Variants in CSMD3 observed in about 807,000 individuals in gnomAD.
The protein encoded by CSMD3 is CUB and sushi domain-containing protein 3.
In CSMD3, 177 loss-of-function variants were observed where a neutral mutation model predicts 435.2. The ratio of observed to expected loss-of-function variants is 0.41; its 90% CI spans 0.36 to 0.46. The LOEUF is 0.46. Among genes scored for constraint, CSMD3 ranks in the 20% least tolerant of loss-of-function variants. The pLI is 0.34. For synonymous variants in CSMD3, 1,656 were observed against 1,520.5 expected (o/e 1.09, Z -2.07); for missense variants, 4,265 against 4,504.6 (o/e 0.95, Z 1.52).
At chr8:113,010,470 C>G (rs2086218037) in intron 6 of CSMD3, among the ~76,000 whole-genome samples, 1 of 151,708 alleles carries the variant, frequency 6.6e-6, no homozygotes, top group Admixed American at 6.6e-5. Context: ...ATCATTTTAT[C>G]AGTTTAATAA....
chr8:112,688,292 C>T (rs1021363438), intron 14 of CSMD3, among the ~76,000 whole-genome samples: 5 of 152,034 alleles, frequency 3.3e-5, no homozygotes, highest in African/African-American at 1.2e-4. Flanking sequence ...ACTTTAAATT[C>T]TTAATTATAT....
chr8:112,427,310 A>T (rs977861788), intron 32 of CSMD3, among the ~76,000 whole-genome samples: 22 of 152,060 alleles, frequency 1.4e-4, no homozygotes, highest in Admixed American at 3.3e-4. Flanking sequence ...CATAATACCC[A>T]TGTGTCATGG....
intron 19 of CSMD3, 108 bp downstream of exon 19, chr8:112,650,053 T>C: frequency 2.3e-6 from 2 of 860,868 alleles, no homozygotes; most frequent in Non-Finnish European, 3.7e-6. Context: ...TCAAAAGAAC[T>C]TTTAAAAAAC....
intron 1 of CSMD3, among the ~76,000 whole-genome samples, chr8:113,359,948 A>G (rs1030151726): frequency 1.3e-5 from 2 of 152,252 alleles, no homozygotes; most frequent in South Asian, 4.1e-4. Flanking sequence ...ATATATACCC[A>G]CTGCTCTGTG....
At chr8:112,886,484 C>G (rs2081602648) in intron 10 of CSMD3, among the ~76,000 whole-genome samples, 1 of 151,148 alleles carries the variant, frequency 6.6e-6, no homozygotes, top group South Asian at 2.1e-4. Flanking sequence ...AATTCCTATC[C>G]TGAGAAATGT....
At chr8:112,401,616 T>C (rs1451571044) in intron 35 of CSMD3, among the ~76,000 whole-genome samples, 1 of 152,162 alleles carries the variant, frequency 6.6e-6, no homozygotes, top group Admixed American at 6.5e-5. Context: ...CAAACCAAAA[T>C]GTCTATTTCT....
intron 4 of CSMD3, among the ~76,000 whole-genome samples, chr8:113,170,962 A>G (rs2092257195): frequency 6.6e-6 from 1 of 151,910 alleles, no homozygotes; most frequent in Non-Finnish European, 1.5e-5. Context: ...AGGGAAGTAA[A>G]TACTCTGGTA....
chr8:112,853,118 T>C (rs920993503), intron 11 of CSMD3, among the ~76,000 whole-genome samples: 1 of 152,202 alleles, frequency 6.6e-6, no homozygotes. Context: ...TTCAATCACA[T>C]AAAAATGTAA....
chr8:112,424,135 A>T (rs1812807830), intron 32 of CSMD3, among the ~76,000 whole-genome samples: 1 of 152,196 alleles, frequency 6.6e-6, no homozygotes, highest in Non-Finnish European at 1.5e-5. Flanking sequence ...ATGCAAAAGG[A>T]GCTAAAATAG....
chr8:112,550,423 C>T (rs1366339651), intron 27 of CSMD3, among the ~76,000 whole-genome samples: 2 of 151,632 alleles, frequency 1.3e-5, no homozygotes, highest in East Asian at 3.9e-4. Context: ...TAATTTAACA[C>T]CACTTTTACT....
intron 10 of CSMD3, among the ~76,000 whole-genome samples, chr8:112,917,992 G>A (rs969570913): frequency 2.0e-5 from 3 of 151,654 alleles, no homozygotes; most frequent in Non-Finnish European, 4.4e-5. Flanking sequence ...CCAACTCAAC[G>A]GCCATTTCCA....
chr8:113,143,117 T>C (rs1464064065), intron 4 of CSMD3, among the ~76,000 whole-genome samples: 1 of 150,774 alleles, frequency 6.6e-6, no homozygotes, highest in Non-Finnish European at 1.5e-5. Context: ...AACTCAATGA[T>C]AAAACAAACC....
intron 40 of CSMD3, among the ~76,000 whole-genome samples, chr8:112,347,311 A>G (rs573498492): frequency 1.3e-5 from 2 of 152,130 alleles, no homozygotes; most frequent in Non-Finnish European, 2.9e-5. Context: ...CATTTTTATC[A>G]TTTTATTGTT....
At chr8:113,072,701 T>C (rs2089177843) in intron 5 of CSMD3, among the ~76,000 whole-genome samples, 1 of 151,826 alleles carries the variant, frequency 6.6e-6, no homozygotes, top group South Asian at 2.1e-4. Context: ...ATACTCTTCA[T>C]TTCATTTAAA....
chr8:112,859,545 T>C (rs2080764373), intron 10 of CSMD3, among the ~76,000 whole-genome samples: 1 of 151,804 alleles, frequency 6.6e-6, no homozygotes. Flanking sequence ...GTGTGTTTAA[T>C]TAGAGAAAGG....
chr8:112,234,256 G>T, intron 68 of CSMD3, 109 bp downstream of exon 68: 2 of 683,094 alleles, frequency 2.9e-6, no homozygotes, highest in Non-Finnish European at 5.2e-6. Flanking sequence ...TAATATATAT[G>T]TATGTGTATG....
chr8:112,747,020 T>C (rs2077442234), intron 13 of CSMD3, among the ~76,000 whole-genome samples: 1 of 152,062 alleles, frequency 6.6e-6, no homozygotes. Flanking sequence ...CAGGCATTCA[T>C]TTACATGCTC....
At chr8:113,102,001 G>C (rs2090344704) in intron 4 of CSMD3, among the ~76,000 whole-genome samples, 1 of 152,038 alleles carries the variant, frequency 6.6e-6, no homozygotes, top group South Asian at 2.1e-4. Context: ...AGAACTTATA[G>C]TGGATTTGGG....
intron 30 of CSMD3, among the ~76,000 whole-genome samples, chr8:112,498,325 T>A (rs536819668): frequency 3.3e-5 from 5 of 152,262 alleles, no homozygotes; most frequent in South Asian, 2.1e-4. Flanking sequence ...CATCTCTTTT[T>A]AAAAAATTAC....
Sources: allele counts gnomAD v4.1 joint callset (sites outside exome capture counted in the v4.1 genomes callset), GRCh38; gene constraint gnomAD v4.1.1; transcripts MANE v1.5; gene names NCBI Gene and HGNC (gene_info 2026-07-23, HGNC 2026-07-21).